ADGRL3: variants seen among roughly 807,000 people sequenced by gnomAD.
ADGRL3 encodes the protein adhesion G protein-coupled receptor L3.
ADGRL3 carries 62 observed loss-of-function variants against 153.5 expected under a neutral mutation model. That is an observed-to-expected ratio of 0.40 (90% confidence interval 0.33 to 0.50). ADGRL3 has a LOEUF of 0.50. ADGRL3 is among the 20% of genes least tolerant of loss of function. The pLI is 0.47. For synonymous variants in ADGRL3, 710 were observed against 672.5 expected (o/e 1.06, Z -0.86); for missense variants, 1,641 against 1,859.4 (o/e 0.88, Z 2.16).
intron 8 of ADGRL3, among the ~76,000 whole-genome samples, chr4:61,805,652 A>G (rs949684639): frequency 6.6e-6 from 1 of 152,222 alleles, no homozygotes; most frequent in Admixed American, 6.5e-5. Context: ...TAATAGAAAT[A>G]TGGTGCCAAT....
chr4:61,690,039 G>A (rs1178448538), intron 6 of ADGRL3, among the ~76,000 whole-genome samples: 1 of 152,124 alleles, frequency 6.6e-6, no homozygotes, highest in Non-Finnish European at 1.5e-5. Context: ...CTTTTTGGAA[G>A]CCTTCAAATA....
chr4:61,894,636 A>G (rs2098614563), intron 10 of ADGRL3, among the ~76,000 whole-genome samples: 1 of 152,186 alleles, frequency 6.6e-6, no homozygotes, highest in African/African-American at 2.4e-5. Flanking sequence ...TTTTTCAGTG[A>G]CAATTGGAAA....
chr4:61,894,042 A>G (rs922111906), intron 10 of ADGRL3, among the ~76,000 whole-genome samples: 3 of 152,110 alleles, frequency 2.0e-5, no homozygotes, highest in African/African-American at 7.2e-5. Flanking sequence ...GATATCATTC[A>G]TAATATCTTC....
At chr4:61,465,522 A>C (rs2097868097) in intron 2 of ADGRL3, among the ~76,000 whole-genome samples, 1 of 151,860 alleles carries the variant, frequency 6.6e-6, no homozygotes, top group South Asian at 2.1e-4. Flanking sequence ...AAATGAATTT[A>C]TATTGTATTT....
At chr4:61,807,049 A>G (rs968670909) in intron 8 of ADGRL3, among the ~76,000 whole-genome samples, 1 of 152,110 alleles carries the variant, frequency 6.6e-6, no homozygotes, top group Non-Finnish European at 1.5e-5. Context: ...TGAGTCACAC[A>G]CATACTGATT....
chr4:61,534,944 T>C (rs945440973), intron 4 of ADGRL3, among the ~76,000 whole-genome samples: 1 of 152,130 alleles, frequency 6.6e-6, no homozygotes, highest in African/African-American at 2.4e-5. Context: ...TCTTGTCTGA[T>C]TGCTCAGGCT....
intron 19 of ADGRL3, among the ~76,000 whole-genome samples, chr4:61,994,815 CTGTG>C (rs930921478): frequency 1.1e-4 from 17 of 151,284 alleles, no homozygotes; most frequent in African/African-American, 2.7e-4. Flanking sequence ...TTTTTAATGT[CTGTG>C]TGTGTATGTT....
At chr4:61,728,615 GA>G (rs2096387984) in intron 6 of ADGRL3, among the ~76,000 whole-genome samples, 1 of 152,154 alleles carries the variant, frequency 6.6e-6, no homozygotes, top group East Asian at 1.9e-4. Context: ...AAAGTTCCAT[GA>G]ACGAGCATTT....
At chr4:61,236,803 A>T (rs1442494117) in intron 1 of ADGRL3, among the ~76,000 whole-genome samples, 2 of 152,160 alleles carry the variant, frequency 1.3e-5, no homozygotes, top group Non-Finnish European at 2.9e-5. Context: ...GATAAAGCGA[A>T]TTAGAGCTAA....
intron 5 of ADGRL3, among the ~76,000 whole-genome samples, chr4:61,676,142 T>A (rs1318304854): frequency 6.6e-6 from 1 of 152,006 alleles, no homozygotes; most frequent in African/African-American, 2.4e-5. Context: ...ATTCTTTTTA[T>A]AAATTTAAAT....
intron 2 of ADGRL3, among the ~76,000 whole-genome samples, chr4:61,398,642 G>GT (rs2096895262): frequency 6.6e-6 from 1 of 150,954 alleles, no homozygotes; most frequent in Admixed American, 6.6e-5. Flanking sequence ...GGCTTCTTCT[G>GT]TTTTTTTATC....
intron 5 of ADGRL3, among the ~76,000 whole-genome samples, chr4:61,591,341 T>C (rs2098968352): frequency 6.6e-6 from 1 of 152,136 alleles, no homozygotes; most frequent in Non-Finnish European, 1.5e-5. Flanking sequence ...AATAAATCAG[T>C]TTTAGAATAT....
At chr4:61,830,236 T>C (rs545655472) in intron 9 of ADGRL3, among the ~76,000 whole-genome samples, 2 of 152,190 alleles carry the variant, frequency 1.3e-5, no homozygotes, top group South Asian at 4.2e-4. Context: ...CAAAAATTTC[T>C]TTAAAATTAG....
intron 5 of ADGRL3, 135 bp downstream of exon 5, chr4:61,587,575 A>G (rs1357941638): frequency 1.5e-6 from 1 of 657,140 alleles, no homozygotes; most frequent in Non-Finnish European, 2.5e-6. Context: ...TCCATATCTG[A>G]CTATTCCTTG....
chr4:61,488,569 C>T (rs1205474233), intron 2 of ADGRL3, among the ~76,000 whole-genome samples: 1 of 151,902 alleles, frequency 6.6e-6, no homozygotes, highest in Non-Finnish European at 1.5e-5. Context: ...CACTTTATAC[C>T]TGAACTACTC....
intron 1 of ADGRL3, among the ~76,000 whole-genome samples, chr4:61,291,569 TATATATATATATAC>T (rs2094201153): frequency 7.3e-5 from 1 of 13,768 alleles, no homozygotes; most frequent in African/African-American, 1.5e-4. Flanking sequence ...TATATATACA[TATATATATATATAC>T]ATATATATAT....
intron 2 of ADGRL3, among the ~76,000 whole-genome samples, chr4:61,431,922 G>A (rs986982451): frequency 1.3e-5 from 2 of 152,094 alleles, no homozygotes; most frequent in African/African-American, 4.8e-5. Flanking sequence ...GACAATGCTA[G>A]CTGCTTTCAT....
intron 8 of ADGRL3, among the ~76,000 whole-genome samples, chr4:61,770,572 A>G (rs2097072510): frequency 6.6e-6 from 1 of 152,222 alleles, no homozygotes; most frequent in South Asian, 2.1e-4. Context: ...AGTATCTGCA[A>G]GCATCTTGAT....
chr4:61,517,974 G>C (rs1273917743), intron 4 of ADGRL3, among the ~76,000 whole-genome samples: 1 of 152,094 alleles, frequency 6.6e-6, no homozygotes, highest in African/African-American at 2.4e-5. Flanking sequence ...CATTTAAAGC[G>C]TAAAACTTGG....
Sources: gnomAD v4.1 joint callset for allele counts (sites outside exome capture counted in the v4.1 genomes callset) on GRCh38, gnomAD v4.1.1 for gene constraint, MANE v1.5 for transcripts, NCBI Gene and HGNC (gene_info 2026-07-23, HGNC 2026-07-21) for gene names.